Variants in AUTS2 observed in about 807,000 individuals in gnomAD.
AUTS2 encodes activator of transcription and developmental regulator AUTS2.
In AUTS2, 17 loss-of-function variants were observed where a neutral mutation model predicts 112.4. The ratio of observed to expected loss-of-function variants is 0.15; its 90% CI spans 0.10 to 0.23. AUTS2 has a LOEUF of 0.23. AUTS2 is among the 10% of genes least tolerant of loss of function. The pLI is 1.00. For missense variants in AUTS2, 1,510 were observed against 1,701.6 expected, an observed-to-expected ratio of 0.89 and a Z score of 1.98; for synonymous variants, 751 against 702.7, an observed-to-expected ratio of 1.07 and a Z score of -1.09.
chr7:70,752,259 GCAAA>G (rs1478447928), intron 6 of AUTS2, among the ~76,000 whole-genome samples: 1 of 152,214 alleles, frequency 6.6e-6, no homozygotes, highest in Non-Finnish European at 1.5e-5. Flanking sequence ...GAGGATACAA[GCAAA>G]CAAACAAAAA....
chr7:70,169,284 A>C (rs1013840138), intron 4 of AUTS2, among the ~76,000 whole-genome samples: 22 of 152,068 alleles, frequency 1.4e-4, no homozygotes, highest in Admixed American at 1.4e-3. Context: ...TGTGTCACCC[A>C]GGCTGAAGTG....
intron 4 of AUTS2, among the ~76,000 whole-genome samples, chr7:70,279,503 A>T (rs974993902): frequency 8.5e-5 from 13 of 152,216 alleles, no homozygotes; most frequent in Admixed American, 7.2e-4. Flanking sequence ...GCTCAAGGGC[A>T]GTCTCAGCTC....
intron 1 of AUTS2, among the ~76,000 whole-genome samples, chr7:69,781,757 T>G (rs936685737): frequency 6.6e-6 from 1 of 152,172 alleles, no homozygotes; most frequent in South Asian, 2.1e-4. Context: ...TTCCCACTTG[T>G]TGCAAAGGCC....
intron 5 of AUTS2, among the ~76,000 whole-genome samples, chr7:70,511,191 CA>C (rs1238959921): frequency 6.6e-6 from 1 of 150,852 alleles, no homozygotes; most frequent in Non-Finnish European, 1.5e-5. Context: ...TGGAAGTTCT[CA>C]AAAAAAAATT....
intron 4 of AUTS2, among the ~76,000 whole-genome samples, chr7:70,377,658 A>C (rs1166928461): frequency 6.6e-6 from 1 of 151,792 alleles, no homozygotes; most frequent in African/African-American, 2.4e-5. Context: ...CAACCCTGCC[A>C]ACCAGCATTC....
chr7:69,627,482 A>G (rs1465851659), intron 1 of AUTS2, among the ~76,000 whole-genome samples: 3 of 152,012 alleles, frequency 2.0e-5, no homozygotes, highest in Admixed American at 6.6e-5. Flanking sequence ...CAAGAGTGAA[A>G]CGCCGTCTCA....
chr7:70,214,509 C>A (rs960026354), intron 4 of AUTS2, among the ~76,000 whole-genome samples: 1 of 152,204 alleles, frequency 6.6e-6, no homozygotes, highest in Admixed American at 6.5e-5. Context: ...CACACACATA[C>A]AGATGCCAAT....
intron 2 of AUTS2, among the ~76,000 whole-genome samples, chr7:70,009,806 A>G (rs536542983): frequency 6.6e-6 from 1 of 152,308 alleles, no homozygotes; most frequent in Non-Finnish European, 1.5e-5. Context: ...TATGACTTGA[A>G]ATGGTGGGAC....
At chr7:70,332,516 G>C (rs1392473599) in intron 4 of AUTS2, among the ~76,000 whole-genome samples, 2 of 152,102 alleles carry the variant, frequency 1.3e-5, no homozygotes, top group East Asian at 3.9e-4. Flanking sequence ...ACAATCATAA[G>C]GAAAAAGAAC....
At chr7:70,633,409 C>T (rs898053747) in intron 5 of AUTS2, among the ~76,000 whole-genome samples, 3 of 152,052 alleles carry the variant, frequency 2.0e-5, no homozygotes, top group Non-Finnish European at 2.9e-5. Context: ...GTCAGGAGTT[C>T]GAGACCAGCC....
Position 69,978,615 on chromosome 7 carries a change from G to A in AUTS2, c.522+79117G>A, listed in dbSNP as rs1005863995. Among the ~76,000 whole-genome samples the A allele has an allele frequency of 2.2e-4, 33 of 152,166 alleles. 1 individual carries two copies. Among genetic ancestry groups the A allele is most frequent in the Non-Finnish European group, 7.3e-5 (5 of 68,030 alleles). ...GCACTTTGGGAGGCCAAGGCAGGAT[G>A]ATTGCTTGAGCTCAGGAGTTTGACA... On this transcript the variant is annotated intron_variant, in intron 2 of 18. Transcript: ENST00000342771.
chr7:70,259,944 A>G (rs1787077602), intron 4 of AUTS2, among the ~76,000 whole-genome samples: 1 of 151,836 alleles, frequency 6.6e-6, no homozygotes, highest in Non-Finnish European at 1.5e-5. Flanking sequence ...AACTGTGGTT[A>G]AAACTGTGAA....
intron 2 of AUTS2, among the ~76,000 whole-genome samples, chr7:70,022,322 GA>G (rs1261416678): frequency 2.7e-5 from 4 of 150,152 alleles, no homozygotes; most frequent in Non-Finnish European, 5.9e-5. Context: ...TAGACTAATA[GA>G]TTTTTTTTTT....
At chr7:70,557,243 T>G (rs1311406272) in intron 5 of AUTS2, among the ~76,000 whole-genome samples, 1 of 152,186 alleles carries the variant, frequency 6.6e-6, no homozygotes, top group Non-Finnish European at 1.5e-5. Flanking sequence ...TGCACAATTT[T>G]GTTCTTTTCC....
intron 4 of AUTS2, among the ~76,000 whole-genome samples, chr7:70,205,415 A>G (rs998806509): frequency 3.9e-5 from 6 of 152,234 alleles, no homozygotes; most frequent in Admixed American, 3.9e-4. Flanking sequence ...GTCATGCACC[A>G]TATAACAACG....
At chr7:70,249,068 T>TG (rs1813075757) in intron 4 of AUTS2, among the ~76,000 whole-genome samples, 1 of 152,246 alleles carries the variant, frequency 6.6e-6, no homozygotes, top group South Asian at 2.1e-4. Flanking sequence ...CTTTGAATAT[T>TG]GAAGATGTCA....
At chr7:70,113,580 T>G (rs897984327) in intron 2 of AUTS2, among the ~76,000 whole-genome samples, 7 of 152,168 alleles carry the variant, frequency 4.6e-5, no homozygotes, top group African/African-American at 1.7e-4. Context: ...ACAGAAAAAC[T>G]CAGCAGTCTG....
At chr7:70,717,498 T>A (rs1332090862) in intron 6 of AUTS2, among the ~76,000 whole-genome samples, 1 of 152,158 alleles carries the variant, frequency 6.6e-6, no homozygotes, top group African/African-American at 2.4e-5. Flanking sequence ...AGGATGTGTG[T>A]ATTTATATGT....
intron 4 of AUTS2, among the ~76,000 whole-genome samples, chr7:70,363,227 G>A (rs1324197725): frequency 2.0e-5 from 3 of 152,084 alleles, no homozygotes; most frequent in African/African-American, 7.2e-5. Context: ...GGACATTTAG[G>A]ATTTATCTGG....
Sources: gnomAD v4.1 joint callset for allele counts (sites outside exome capture counted in the v4.1 genomes callset) on GRCh38, gnomAD v4.1.1 for gene constraint, MANE v1.5 for transcripts, NCBI Gene and HGNC (gene_info 2026-07-23, HGNC 2026-07-21) for gene names.